Variants in PHACTR2 observed in about 807,000 individuals in gnomAD.
PHACTR2 encodes the protein phosphatase and actin regulator 2.
A neutral mutation model predicts 76.0 loss-of-function variants in PHACTR2; 30 were observed. The observed-to-expected ratio is 0.39, with a 90% CI of 0.30 to 0.54. PHACTR2 has a LOEUF of 0.54. Ranked by LOEUF, PHACTR2 falls within the 20% of genes least tolerant of loss-of-function variation. PHACTR2 has a pLI of 0.61. For synonymous variants in PHACTR2, 292 were observed against 292.5 expected, an observed-to-expected ratio of 1.00 and a Z score of 0.02; for missense variants, 696 against 781.1, an observed-to-expected ratio of 0.89 and a Z score of 1.30.
intron 1 of PHACTR2, among the ~76,000 whole-genome samples, chr6:143,614,715 T>G (rs1776034842): frequency 1.3e-5 from 2 of 152,186 alleles, no homozygotes; most frequent in African/African-American, 4.8e-5. Flanking sequence ...GTCATCTATG[T>G]CCAGGATTTC....
At position 143,801,786 on chromosome 6, in the gene PHACTR2, T is replaced by G. The variant is rs2128482516; in HGVS notation, c.1846-5271T>G. Among the ~76,000 whole-genome samples the G allele has an allele frequency of 6.6e-6, 1 of 152,258 alleles. No homozygotes were observed. Among genetic ancestry groups the G allele is most frequent in the Admixed American group, 6.5e-5 (1 of 15,290 alleles). Reference sequence around the variant, plus strand: ...TTTGGAGGAGAAGAGGCATTCTGGTTTTTGGAATTTTCAGCCTTTCTGCCT... The same window carrying G: ...TTTGGAGGAGAAGAGGCATTCTGGTGTTTGGAATTTTCAGCCTTTCTGCCT... On this transcript the variant is annotated intron_variant, in intron 11 of 12. Coordinates refer to ENST00000440869, the MANE Select transcript of PHACTR2 (RefSeq NM_001100164.2). This position sits in a 1 kb window ranked among gnomAD's most constrained non-coding sequence, Gnocchi z 4.6.
intron 1 of PHACTR2, among the ~76,000 whole-genome samples, chr6:143,629,990 A>C (rs1562253172): frequency 1.3e-5 from 2 of 152,194 alleles, no homozygotes; most frequent in East Asian, 3.9e-4. Context: ...ACAGTATTAC[A>C]GCTCTTCTGT....
In PHACTR2 at chr6:143,658,684, A is replaced by G. The variant is rs142335070; in HGVS notation, c.13+50362A>G. ...TGTGTATCTAAACATATATCTAAAC[A>G]TAGAAAAGGTATAGCAAAACTATAG... is the stretch of plus-strand genomic sequence containing the variant. On this transcript the variant is annotated intron_variant, in intron 1 of 11. Coordinates refer to the PHACTR2 transcript ENST00000305766. The surrounding 1 kb of genome is among the most constrained non-coding windows in gnomAD (Gnocchi z 4.1). Among the ~76,000 whole-genome samples, 788 of 152,324 alleles carry G rather than the reference A, an allele frequency of 5.2e-3. 8 individuals carry two copies. The highest frequency in any genetic ancestry group is 0.018 in the African/African-American group (734 of 41,572).
At position 143,753,664 on chromosome 6, in the gene PHACTR2, G is replaced by T; in HGVS notation, c.296-90G>T. The T allele has an allele frequency of 2.3e-6, 2 of 872,568 alleles. No individual in the cohort carries two copies. The highest frequency in any genetic ancestry group is 1.8e-5 in the South Asian group (1 of 56,018). The allele number at this position is 872,568 out of a possible 1,614,324, so 54.1% of individuals were successfully genotyped here. A position where few individuals can be genotyped will look rare whatever the true frequency, so the allele number is the denominator to read the frequency against. On this transcript the variant is annotated intron_variant, in intron 3 of 12. Transcript: ENST00000440869. The surrounding 1 kb of genome is among the most constrained non-coding windows in gnomAD (Gnocchi z 4.6). ...ATTTGGTTCCCAGGGACTGAAACAT[G>T]AATCTAAATTTTACAATCCTAGTAA...
Position 143,678,333 on chromosome 6 carries a change from A to G in PHACTR2, c.46+124A>G. On this transcript the variant is annotated intron_variant, in intron 1 of 12. Coordinates refer to ENST00000440869, the MANE Select transcript of PHACTR2 (RefSeq NM_001100164.2). This position sits in a 1 kb window ranked among gnomAD's most constrained non-coding sequence, Gnocchi z 6.2. Reference sequence around the variant, plus strand: ...CTCGGACCCGCCAAGTCCCTCGGAGAAACCCCAGAGGTAGCGCTCGCCAAA... The same window carrying G: ...CTCGGACCCGCCAAGTCCCTCGGAGGAACCCCAGAGGTAGCGCTCGCCAAA... 1 of 877,428 alleles carries G rather than the reference A, an allele frequency of 1.1e-6. No individual in the cohort carries two copies. 54.4% of individuals were successfully genotyped at this position (877,428 alleles called of 1,614,324 possible).
At position 143,688,919 on chromosome 6, in the gene PHACTR2, C is replaced by A. The variant is rs1215608762; in HGVS notation, c.46+10710C>A. Among the ~76,000 whole-genome samples the A allele has an allele frequency of 6.6e-6, 1 of 152,238 alleles. No individual in the cohort carries two copies. Among genetic ancestry groups the A allele is most frequent in the Non-Finnish European group, 1.5e-5 (1 of 68,040 alleles). On this transcript the variant is annotated intron_variant, in intron 1 of 12. Coordinates refer to ENST00000440869, the MANE Select transcript of PHACTR2 (RefSeq NM_001100164.2). This position sits in a 1 kb window ranked among gnomAD's most constrained non-coding sequence, Gnocchi z 5.2. ...CCTCCCACTGCACTTGGAATGAAAT[C>A]CAGATTGCATAGTATGGCCCTCGAG...
At chr6:143,756,824 G>C (rs1779311418) in intron 4 of PHACTR2, among the ~76,000 whole-genome samples, 1 of 152,204 alleles carries the variant, frequency 6.6e-6, no homozygotes, top group Non-Finnish European at 1.5e-5. Context: ...AAGGCGGGCA[G>C]ATCAGCTGAG....
Position 143,824,027 on chromosome 6 carries a change from C to T in PHACTR2, c.*338C>T, listed in dbSNP as rs1032642283. 6 of 212,738 alleles carry T rather than the reference C, an allele frequency of 2.8e-5. No homozygotes were observed. The highest frequency in any genetic ancestry group is 4.6e-5 in the Non-Finnish European group (5 of 108,152). 13.2% of individuals were successfully genotyped at this position (212,738 alleles called of 1,614,324 possible). ...TACCAGAAAGCCAAATTTTATAATGCGGGTGAAAGAAAAATATAGATTAAA... is the reference window on the plus strand; with the variant it reads ...TACCAGAAAGCCAAATTTTATAATGTGGGTGAAAGAAAAATATAGATTAAA... On this transcript the variant is annotated 3_prime_UTR_variant, in exon 13 of 13. Transcript: ENST00000440869. This position sits in a 1 kb window ranked among gnomAD's most constrained non-coding sequence, Gnocchi z 6.3.
chr6:143,758,272 CAT>C (rs1051888297), intron 4 of PHACTR2, among the ~76,000 whole-genome samples: 1 of 152,048 alleles, frequency 6.6e-6, no homozygotes, highest in African/African-American at 2.4e-5. Flanking sequence ...GAGGATAAAA[CAT>C]GTGTAGAGTT....
At chr6:143,796,396 TTTCTTTC>T (rs1230702991) in intron 11 of PHACTR2, among the ~76,000 whole-genome samples, 9 of 147,816 alleles carry the variant, frequency 6.1e-5, no homozygotes, top group Non-Finnish European at 1.2e-4. Flanking sequence ...TCTTTCTTTC[TTTCTTTC>T]TTTCTTTCTT....
At chr6:143,692,488 T>TA (rs771950726) in intron 1 of PHACTR2, among the ~76,000 whole-genome samples, 1 of 152,202 alleles carries the variant, frequency 6.6e-6, no homozygotes, top group Non-Finnish European at 1.5e-5. Context: ...GCTTGGAAAG[T>TA]ACTTGACTGC....
In PHACTR2 at chr6:143,750,948, G is replaced by T. The variant is rs770794170; in HGVS notation, c.295+1883G>T. On this transcript the variant is annotated intron_variant, in intron 3 of 12. Transcript: ENST00000440869. This position sits in a 1 kb window ranked among gnomAD's most constrained non-coding sequence, Gnocchi z 4.6. ...CGTAGAAATTATCTAATGGTTGAAG[G>T]TTCCTGAGGATGTCAGTAGTAAATG... is the stretch of plus-strand genomic sequence containing the variant. 1.3e-5 allele frequency among the ~76,000 whole-genome samples: 2 copies of T among 152,146 alleles called. No homozygotes were observed.
intron 1 of PHACTR2, among the ~76,000 whole-genome samples, chr6:143,630,874 A>C (rs979483993): frequency 6.6e-6 from 1 of 152,218 alleles, no homozygotes; most frequent in Admixed American, 6.5e-5. Context: ...TTGAACTCCA[A>C]GTCTTTCTCA....
intron 1 of PHACTR2, among the ~76,000 whole-genome samples, chr6:143,584,047 C>A (rs1174513755): frequency 6.6e-6 from 1 of 152,200 alleles, no homozygotes; most frequent in African/African-American, 2.4e-5. Flanking sequence ...CCTGAAGTTG[C>A]CTATATCCCT....
At chr6:143,666,450 C>T (rs186323199) in intron 1 of PHACTR2, among the ~76,000 whole-genome samples, 1 of 152,288 alleles carries the variant, frequency 6.6e-6, no homozygotes, top group East Asian at 1.9e-4. Flanking sequence ...GAAGAATCAC[C>T]ACAGTGTCTT....
At chr6:143,644,324 C>T (rs1776617633) in intron 1 of PHACTR2, among the ~76,000 whole-genome samples, 1 of 151,990 alleles carries the variant, frequency 6.6e-6, no homozygotes, top group East Asian at 1.9e-4. Context: ...AAGAATGAGC[C>T]GGGCATGGTG....
At chr6:143,604,181 T>C (rs1352374999), upstream of PHACTR2, among the ~76,000 whole-genome samples, 1 of 151,972 alleles carries the variant, frequency 6.6e-6, no homozygotes, top group Non-Finnish European at 1.5e-5. Context: ...AGCTTTCTCA[T>C]TGGTAGTCAA....
rs55971519 is a variant in PHACTR2, at chr6:143,819,248, G to A, written c.1923-4426G>A. The stretch of plus-strand genomic sequence containing the variant: ...ACCTGTCTCATAAGGTCCTCAGGTG[G>A]TTATGTTCCAGTAGAGAAGCAAACT... On this transcript the variant is annotated intron_variant, in intron 12 of 12. Transcript: ENST00000440869. This position sits in a 1 kb window ranked among gnomAD's most constrained non-coding sequence, Gnocchi z 5.0. Among the ~76,000 whole-genome samples, 9,281 of 152,170 alleles carry A rather than the reference G, an allele frequency of 0.061. 309 individuals are homozygous for A. Among genetic ancestry groups the A allele is most frequent in the South Asian group, 0.12 (600 of 4,814 alleles).
chr6:143,823,720 T>C lies in PHACTR2; in HGVS notation c.*31T>C. On this transcript the variant is annotated 3_prime_UTR_variant, in exon 13 of 13. Coordinates refer to ENST00000440869, the MANE Select transcript of PHACTR2 (RefSeq NM_001100164.2). This position sits in a 1 kb window ranked among gnomAD's most constrained non-coding sequence, Gnocchi z 5.7. Reference sequence around the variant, plus strand: ...AGTGAGACTATTTGGAAACAGAGACTGATCATCTTTGGGGGAAGCCCTGCT... The same window carrying C: ...AGTGAGACTATTTGGAAACAGAGACCGATCATCTTTGGGGGAAGCCCTGCT... 6.3e-7 allele frequency: 1 copy of C among 1,581,302 alleles called. No homozygotes were observed. Among genetic ancestry groups the C allele is most frequent in the Non-Finnish European group, 8.7e-7 (1 of 1,150,070 alleles).
Sources: allele counts gnomAD v4.1 joint callset (sites outside exome capture counted in the v4.1 genomes callset), GRCh38; gene constraint gnomAD v4.1.1; non-coding constraint Gnocchi (gnomAD v3.1); transcripts MANE v1.5; gene names NCBI Gene and HGNC (gene_info 2026-07-23, HGNC 2026-07-21).